HERC4: variants seen among roughly 807,000 people sequenced by gnomAD.
The protein encoded by HERC4 is probable E3 ubiquitin-protein ligase HERC4.
In HERC4, 28 loss-of-function variants were observed where a neutral mutation model predicts 124.3. The observed-to-expected ratio is 0.23, with a 90% confidence interval of 0.17 to 0.31. The LOEUF is 0.31. Among genes scored for constraint, HERC4 ranks in the 10% least tolerant of loss-of-function variants. The pLI is 1.00. For missense variants in HERC4, 713 were observed against 1,229.3 expected (o/e 0.58, Z 6.28); for synonymous variants, 407 against 421.5 (o/e 0.97, Z 0.42).
chr10:67,934,774 T>C (rs2032179778), intron 22 of HERC4, among the ~76,000 whole-genome samples: 1 of 152,174 alleles, frequency 6.6e-6, no homozygotes, highest in African/African-American at 2.4e-5. Context: ...CTTAGGTCTG[T>C]GGGTTTTCTG....
At chr10:67,961,063 G>T in intron 16 of HERC4, 1 of 241,246 alleles carries the variant, frequency 4.1e-6, no homozygotes. Flanking sequence ...AACCAACACA[G>T]AACAGATGAA....
At chr10:67,976,742 GGA>G (rs2035613911) in intron 15 of HERC4, among the ~76,000 whole-genome samples, 1 of 152,248 alleles carries the variant, frequency 6.6e-6, no homozygotes, top group South Asian at 2.1e-4. Flanking sequence ...TGTGCACCGG[GGA>G]GAGAAAGAAT....
chr10:68,049,900 C>T (rs2040211351), intron 3 of HERC4, among the ~76,000 whole-genome samples: 1 of 151,816 alleles, frequency 6.6e-6, no homozygotes, highest in South Asian at 2.1e-4. Context: ...GATAGTAAGA[C>T]GGTCTCAAAA....
chr10:68,014,142 G>C lies in HERC4; in HGVS notation c.953C>G (p.Ser318Cys), dbSNP rs1589325086. The C allele has an allele frequency of 6.2e-7, 1 of 1,613,362 alleles. No homozygotes were observed. Among genetic ancestry groups the C allele is most frequent in the African/African-American group, 1.3e-5 (1 of 74,974 alleles). Residue 318 changes from serine to cysteine, a missense_variant, in exon 9 of 25, where the codon TCT (serine) becomes TGT (cysteine). By Grantham distance (112) the Ser-to-Cys change is moderately radical. Coordinates refer to ENST00000373700, the MANE Select transcript of HERC4 (RefSeq NM_015601.4). Reference protein sequence around the residue: ...AFVPSSGRIYSFGLGGNGQLG... With the variant: ...AFVPSSGRIYCFGLGGNGQLG... ...CTGCCCATTACCACCAAGCCCAAAA[G>C]AGTAAATTCGTCCTGATGAAGGAAC...
At position 68,073,176 on chromosome 10, in the gene HERC4, G is replaced by A. The variant is rs2041650442; in HGVS notation, c.-68C>T. The A allele has an allele frequency of 8.2e-7, 1 of 1,221,696 alleles. No individual in the cohort carries two copies. The highest frequency in any genetic ancestry group is 2.3e-5 in the East Asian group (1 of 42,792). 75.7% of individuals were successfully genotyped at this position (1,221,696 alleles called of 1,614,324 possible). ...CTTCTGAAACCCCGGAAAGTTGGAG[G>A]TACCCTATGTCTGAGGAAATAGAAA... On this transcript the variant is annotated 5_prime_UTR_variant, in exon 3 of 25. Coordinates refer to ENST00000373700, the MANE Select transcript of HERC4 (RefSeq NM_015601.4).
intron 15 of HERC4, among the ~76,000 whole-genome samples, chr10:67,987,384 T>C (rs990052832): frequency 6.6e-6 from 1 of 151,928 alleles, no homozygotes; most frequent in African/African-American, 2.4e-5. Flanking sequence ...ACAGAATGAG[T>C]AATTATTTGG....
intron 15 of HERC4, among the ~76,000 whole-genome samples, chr10:67,972,731 AAG>A (rs1445316174): frequency 2.6e-5 from 4 of 152,280 alleles, no homozygotes; most frequent in East Asian, 1.9e-4. Context: ...AGAGAAACTG[AAG>A]AGTCATTCAC....
chr10:68,046,110 C>A (rs2039999959), intron 3 of HERC4, among the ~76,000 whole-genome samples: 2 of 146,914 alleles, frequency 1.4e-5, no homozygotes, highest in Non-Finnish European at 1.5e-5. Context: ...AAAAGGCAAG[C>A]AAGATATGAC....
At chr10:68,024,975 TTC>T (rs2038823027) in intron 8 of HERC4, among the ~76,000 whole-genome samples, 1 of 152,216 alleles carries the variant, frequency 6.6e-6, no homozygotes, top group African/African-American at 2.4e-5. Context: ...ATCACATTAA[TTC>T]TGTCTTAATT....
chr10:68,008,120 C>T (rs1376196736), intron 9 of HERC4: 1 of 152,258 alleles, frequency 6.6e-6, no homozygotes, highest in Non-Finnish European at 1.5e-5. Flanking sequence ...TTGTTCTTCT[C>T]CCTTACTCTC....
At chr10:68,060,533 C>G (rs943424913) in intron 3 of HERC4, among the ~76,000 whole-genome samples, 2 of 152,184 alleles carry the variant, frequency 1.3e-5, no homozygotes, top group East Asian at 3.8e-4. Flanking sequence ...GCCACCGCGT[C>G]CAGCCATAAA....
At chr10:68,025,976 T>C (rs1043824221) in intron 7 of HERC4, among the ~76,000 whole-genome samples, 3 of 152,232 alleles carry the variant, frequency 2.0e-5, no homozygotes, top group African/African-American at 7.2e-5. Flanking sequence ...CATACATATA[T>C]ATAATTTCAC....
intron 24 of HERC4, among the ~76,000 whole-genome samples, chr10:67,923,550 G>A (rs977362695): frequency 6.6e-6 from 1 of 152,020 alleles, no homozygotes; most frequent in Admixed American, 6.6e-5. Context: ...ATAATGGGCA[G>A]CCAAAATTCA....
At chr10:68,057,000 T>C (rs2040581349) in intron 3 of HERC4, among the ~76,000 whole-genome samples, 2 of 152,194 alleles carry the variant, frequency 1.3e-5, no homozygotes, top group Admixed American at 6.5e-5. Context: ...TGTTTTTGCA[T>C]TTTGTTTTGA....
intron 21 of HERC4, among the ~76,000 whole-genome samples, chr10:67,938,181 G>A (rs1399507810): frequency 2.6e-5 from 4 of 151,774 alleles, no homozygotes; most frequent in East Asian, 2.0e-4. Flanking sequence ...TGTGGCTCAC[G>A]CCTGTAATCC....
chr10:68,070,127 C>T, intron 3 of HERC4: 1 of 985,102 alleles, frequency 1.0e-6, no homozygotes, highest in South Asian at 4.7e-5. Context: ...ATATAACCAA[C>T]TTGCTCAATT....
chr10:68,019,419 T>TA (rs2038472696), intron 8 of HERC4, among the ~76,000 whole-genome samples: 1 of 152,058 alleles, frequency 6.6e-6, no homozygotes, highest in Non-Finnish European at 1.5e-5. Context: ...ATTGAAAAAT[T>TA]AGAGATCACA....
At chr10:68,070,307 T>A in intron 3 of HERC4, 1 of 959,474 alleles carries the variant, frequency 1.0e-6, no homozygotes, top group Non-Finnish European at 1.2e-6. Flanking sequence ...TTAAAAACAT[T>A]ATTTAAAAAA....
intron 8 of HERC4, among the ~76,000 whole-genome samples, chr10:68,025,159 T>C (rs111397100): frequency 0.014 from 2,164 of 152,064 alleles, 52 homozygotes; most frequent in African/African-American, 0.049. Flanking sequence ...GCCCAGGAGA[T>C]TGAGGCTGCA....
Sources: allele counts gnomAD v4.1 joint callset (sites outside exome capture counted in the v4.1 genomes callset), GRCh38; gene constraint gnomAD v4.1.1; transcripts MANE v1.5; gene names NCBI Gene and HGNC (gene_info 2026-07-23, HGNC 2026-07-21).